Variants in LDB2 observed in about 807,000 individuals in gnomAD.
LDB2 encodes LIM domain binding 2.
A neutral mutation model predicts 44.3 loss-of-function variants in LDB2; 12 were observed. The ratio of observed to expected loss-of-function variants is 0.27; its 90% CI spans 0.17 to 0.44. The LOEUF (loss-of-function observed/expected upper bound fraction) is 0.44. LDB2 is among the 20% of genes least tolerant of loss of function. The pLI is 1.00. For missense variants in LDB2, 344 were observed against 473.5 expected (o/e 0.73, Z 2.54); for synonymous variants, 164 against 174.8 (o/e 0.94, Z 0.49).
In LDB2 at chr4:16,898,581, G is replaced by GCACA. The variant is rs1725980084; in HGVS notation, c.-100_-97dup. 7.9e-7 allele frequency: 1 copy of GCACA among 1,260,642 alleles called. No individual in the cohort carries two copies. Among genetic ancestry groups the GCACA allele is most frequent in the Admixed American group, 2.0e-5 (1 of 51,216 alleles). 78.1% of individuals were successfully genotyped at this position (1,260,642 alleles called of 1,614,324 possible). On this transcript the variant is annotated 5_prime_UTR_variant, in exon 1 of 8. Transcript: ENST00000304523. Reference sequence around the variant, plus strand: ...TCTTCCCAGTACAAAGTAGACGCACGCACACACGCTCACACACACACAGAG... The same window carrying GCACA: ...TCTTCCCAGTACAAAGTAGACGCACGCACACACACACGCTCACACACACACAGAG...
chr4:16,854,855 G>C (rs1010360787), intron 1 of LDB2, among the ~76,000 whole-genome samples: 3 of 151,798 alleles, frequency 2.0e-5, no homozygotes, highest in Non-Finnish European at 4.4e-5. Context: ...ATTTTACTAC[G>C]TATGGATGCA....
intron 1 of LDB2, among the ~76,000 whole-genome samples, chr4:16,802,045 T>C (rs1389266422): frequency 6.6e-6 from 1 of 152,240 alleles, no homozygotes; most frequent in East Asian, 1.9e-4. Context: ...GTCAAAGTTA[T>C]TCACTTGATA....
At chr4:16,626,963 A>G (rs1230846049) in intron 2 of LDB2, 2 of 152,190 alleles carry the variant, frequency 1.3e-5, no homozygotes, top group Non-Finnish European at 2.9e-5. Context: ...ATTCTCCAGA[A>G]ACTGCAAGGA....
At chr4:16,529,164 G>A (rs1031525765) in intron 5 of LDB2, among the ~76,000 whole-genome samples, 1 of 152,180 alleles carries the variant, frequency 6.6e-6, no homozygotes, top group African/African-American at 2.4e-5. Context: ...GAGGGAATGA[G>A]TAACGGGCCC....
At chr4:16,857,288 C>T (rs1334325235) in intron 1 of LDB2, among the ~76,000 whole-genome samples, 1 of 152,164 alleles carries the variant, frequency 6.6e-6, no homozygotes, top group Admixed American at 6.5e-5. Flanking sequence ...CCTTTTTATT[C>T]CTCACTGTCT....
intron 5 of LDB2, among the ~76,000 whole-genome samples, chr4:16,520,682 A>C (rs1313256054): frequency 6.6e-6 from 1 of 152,052 alleles, no homozygotes; most frequent in East Asian, 1.9e-4. Context: ...TCTTGAAGGG[A>C]CCATCCTTCT....
At chr4:16,805,802 G>T (rs1408491539) in intron 1 of LDB2, among the ~76,000 whole-genome samples, 2 of 152,220 alleles carry the variant, frequency 1.3e-5, no homozygotes, top group Non-Finnish European at 2.9e-5. Flanking sequence ...GGAGCCTATT[G>T]CCTGACAGTA....
chr4:16,576,553 CA>C (rs1377253839), intron 5 of LDB2, among the ~76,000 whole-genome samples: 1 of 152,116 alleles, frequency 6.6e-6, no homozygotes, highest in African/African-American at 2.4e-5. Flanking sequence ...AAAACCTGAA[CA>C]CCTCAACAAT....
chr4:16,829,690 GTC>G (rs1783717608), intron 1 of LDB2, among the ~76,000 whole-genome samples: 1 of 152,138 alleles, frequency 6.6e-6, no homozygotes, highest in Non-Finnish European at 1.5e-5. Context: ...ATGTCACTTA[GTC>G]TGTATGTTCT....
At chr4:16,545,759 C>T (rs1735524412) in intron 5 of LDB2, among the ~76,000 whole-genome samples, 1 of 152,180 alleles carries the variant, frequency 6.6e-6, no homozygotes. Context: ...AGAAGAAAAA[C>T]TGCCCCTACC....
intron 3 of LDB2, among the ~76,000 whole-genome samples, chr4:16,594,422 G>A (rs1462275943): frequency 6.6e-6 from 1 of 152,142 alleles, no homozygotes; most frequent in East Asian, 1.9e-4. Context: ...CCAGTGTGAA[G>A]CTTCTTTGTC....
At chr4:16,870,486 G>A (rs112035163) in intron 1 of LDB2, among the ~76,000 whole-genome samples, 29 of 151,868 alleles carry the variant, frequency 1.9e-4, no homozygotes, top group African/African-American at 6.8e-4. Flanking sequence ...AGCATATGGG[G>A]ACCTGCGGTC....
intron 2 of LDB2, among the ~76,000 whole-genome samples, chr4:16,724,444 C>A (rs573029928): frequency 6.6e-6 from 1 of 151,676 alleles, no homozygotes; most frequent in Non-Finnish European, 1.5e-5. Flanking sequence ...AGTCATGAAT[C>A]CTGTCTCGTT....
At chr4:16,836,932 G>A (rs1170515757) in intron 1 of LDB2, among the ~76,000 whole-genome samples, 1 of 152,078 alleles carries the variant, frequency 6.6e-6, no homozygotes, top group East Asian at 1.9e-4. Flanking sequence ...ATTTAATTCT[G>A]GAGATTTTAA....
chr4:16,792,891 A>G (rs1473974181), intron 1 of LDB2, among the ~76,000 whole-genome samples: 3 of 152,236 alleles, frequency 2.0e-5, no homozygotes, highest in African/African-American at 2.4e-5. Flanking sequence ...AGAAATAAAC[A>G]TCAATTTGGG....
At chr4:16,592,105 C>A (rs1441780217) in intron 3 of LDB2, among the ~76,000 whole-genome samples, 1 of 152,096 alleles carries the variant, frequency 6.6e-6, no homozygotes, top group Admixed American at 6.6e-5. Flanking sequence ...GGAGGATCAA[C>A]AAGAAAGAGG....
chr4:16,825,951 G>A (rs934525947), intron 1 of LDB2, among the ~76,000 whole-genome samples: 2 of 151,586 alleles, frequency 1.3e-5, no homozygotes, highest in Non-Finnish European at 2.9e-5. Flanking sequence ...ATGTGCCTAT[G>A]TATGTATAAT....
At chr4:16,782,725 A>T (rs1773564390) in intron 1 of LDB2, among the ~76,000 whole-genome samples, 1 of 152,172 alleles carries the variant, frequency 6.6e-6, no homozygotes, top group South Asian at 2.1e-4. Flanking sequence ...TTATTTATTC[A>T]TTCTACTGAT....
intron 2 of LDB2, among the ~76,000 whole-genome samples, chr4:16,757,552 C>G (rs1766929548): frequency 6.6e-6 from 1 of 152,100 alleles, no homozygotes; most frequent in Non-Finnish European, 1.5e-5. Flanking sequence ...CCTGAGCAGT[C>G]CCTGATGGAT....
Sources: gnomAD v4.1 joint callset for allele counts (sites outside exome capture counted in the v4.1 genomes callset) on GRCh38, gnomAD v4.1.1 for gene constraint, MANE v1.5 for transcripts, NCBI Gene and HGNC (gene_info 2026-07-23, HGNC 2026-07-21) for gene names.